The following CPNE7 variants were observed in gnomAD, a reference collection of about 807,000 sequenced individuals.
CPNE7 encodes the protein copine 7.
CPNE7 carries 78 observed loss-of-function variants against 66.5 expected under a neutral mutation model. That is an observed-to-expected ratio of 1.17 (90% CI 0.98 to 1.42). The LOEUF (loss-of-function observed/expected upper bound fraction) is 1.42, where lower values mean the gene tolerates loss of function less well. Among genes scored for constraint, CPNE7 ranks in the 40% most tolerant of loss-of-function variants. The pLI is 0.00. For missense variants in CPNE7, 1,012 were observed against 776.6 expected, an observed-to-expected ratio of 1.30 and a Z score of -3.60; for synonymous variants, 468 against 336.7, an observed-to-expected ratio of 1.39 and a Z score of -4.27.
Position 89,585,684 on chromosome 16 carries a change from C to T in CPNE7, c.682-3C>T, listed in dbSNP as rs1376186799. On this transcript the variant is annotated splice_region_variant and splice_polypyrimidine_tract_variant and intron_variant, in intron 6 of 14. Coordinates refer to ENST00000319518, the MANE Select transcript of CPNE7 (RefSeq NM_153636.3). ...CAGTGCTGAGGAGGACTGGGCTCCC[C>T]AGTGCCTGGTCTGGGATTACGACTC... 19 of 1,553,510 alleles carry T rather than the reference C, an allele frequency of 1.2e-5. No homozygotes were observed. The highest frequency in any genetic ancestry group is 7.3e-5 in the East Asian group (3 of 41,114).
rs561379517 is a variant in CPNE7 at position 89,578,806 on chromosome 16, ACG to A, written c.357+1086_357+1087del. Reference sequence around the variant, plus strand: ...AGCCTCCTTGTGAGCAGCAGGTCCTACGGTGGCCACTGCTTCCTTGGTGATGC... The same window carrying A: ...AGCCTCCTTGTGAGCAGCAGGTCCTAGTGGCCACTGCTTCCTTGGTGATGC... On this transcript the variant is annotated intron_variant, in intron 2 of 14. Transcript: ENST00000319518. 502 of 1,535,946 alleles carry A rather than the reference ACG, an allele frequency of 3.3e-4. 8 individuals carry two copies. The East Asian group carries it at 0.011, about 33-fold the overall frequency.
intron 2 of CPNE7, chr16:89,583,371 C>A: frequency 7.1e-7 from 1 of 1,402,086 alleles, no homozygotes; most frequent in Non-Finnish European, 9.9e-7. Flanking sequence ...CACACCTGTG[C>A]AGGTGCAGGC....
In CPNE7 at chr16:89,577,662, A is replaced by G; in HGVS notation, c.298A>G (p.Ser100Gly). 1 of 1,597,838 alleles carries G rather than the reference A, an allele frequency of 6.3e-7. No individual in the cohort carries two copies. The highest frequency in any genetic ancestry group is 8.5e-7 in the Non-Finnish European group (1 of 1,172,456). The change falls in exon 2 of 15, where the codon AGC becomes GGC. Residue 100 changes from serine to glycine, a missense_variant. Transcript: ENST00000319518. ...RFEVYDTHGP[S>G]GFSCQEDDFL... ...TGAGGTGTACGACACGCATGGGCCCAGCGGCTTCAGCTGTCAGGAGGACGA... is the reference window on the plus strand; with the variant it reads ...TGAGGTGTACGACACGCATGGGCCCGGCGGCTTCAGCTGTCAGGAGGACGA...
rs2058852305 is a variant in CPNE7, at chr16:89,575,889, G to T, written c.-9G>T. 2.5e-6 allele frequency: 3 copies of T among 1,214,098 alleles called. No individual in the cohort carries two copies. Among genetic ancestry groups the T allele is most frequent in the Non-Finnish European group, 2.0e-6 (2 of 976,090 alleles). The allele number at this position is 1,214,098 out of a possible 1,614,324, so 75.2% of individuals were successfully genotyped here. Reference sequence around the variant, plus strand: ...AGTGCGCCCAGCCGGGCCCCCGAACGCCGGGAGCATGAGCGCGGGCTCGGA... The same window carrying T: ...AGTGCGCCCAGCCGGGCCCCCGAACTCCGGGAGCATGAGCGCGGGCTCGGA... On this transcript the variant is annotated 5_prime_UTR_variant, in exon 1 of 15. Coordinates refer to ENST00000319518, the MANE Select transcript of CPNE7 (RefSeq NM_153636.3).
rs1254780748 is a variant in CPNE7 at position 89,587,893 on chromosome 16, C to T, written c.928-782C>T. 2.2e-4 allele frequency among the ~76,000 whole-genome samples: 13 copies of T among 60,360 alleles called. No individual in the cohort carries two copies. In the East Asian group the frequency reaches 3.4e-3, roughly 16 times the overall value. 39.6% of individuals were successfully genotyped at this position (60,360 alleles called of 152,430 possible). On this transcript the variant is annotated intron_variant, in intron 9 of 14. Coordinates refer to ENST00000319518, the MANE Select transcript of CPNE7 (RefSeq NM_153636.3). Reference sequence around the variant, plus strand: ...ACGGCCCCCCGTGTCACCCGCGTGTCACCCACAGATACACGGCCCCCGTGT... The same window carrying T: ...ACGGCCCCCCGTGTCACCCGCGTGTTACCCACAGATACACGGCCCCCGTGT...
chr16:89,593,413 C>T (rs1324607036), intron 13 of CPNE7, among the ~76,000 whole-genome samples: 14 of 151,158 alleles, frequency 9.3e-5, no homozygotes, highest in African/African-American at 2.2e-4. Context: ...AGTGCAGTGG[C>T]GCGATCTTGG....
Position 89,595,434 on chromosome 16 carries a change from T to C in CPNE7, c.1370T>C (p.Ile457Thr). Residue 457 changes from isoleucine (I) to threonine (T), a missense_variant, in exon 14 of 15, where the codon ATT (isoleucine) becomes ACT (threonine). Coordinates refer to ENST00000319518, the MANE Select transcript of CPNE7 (RefSeq NM_153636.3). ...VTDMADTREA[I>T]VRASRLPMSI... is the part of the protein sequence containing the mutation. ...GACATGGCCGACACACGGGAGGCCATTGTGCGTGCCTCACGCCTGCCCATG... is the reference window on the plus strand; with the variant it reads ...GACATGGCCGACACACGGGAGGCCACTGTGCGTGCCTCACGCCTGCCCATG... 1 of 1,609,018 alleles carries C rather than the reference T, an allele frequency of 6.2e-7. No homozygotes were observed. The highest frequency in any genetic ancestry group is 8.5e-7 in the Non-Finnish European group (1 of 1,177,172).
At chr16:89,579,963 C>T (rs1348658481) in intron 2 of CPNE7, among the ~76,000 whole-genome samples, 1 of 51,586 alleles carries the variant, frequency 1.9e-5, no homozygotes, top group African/African-American at 4.9e-5. Flanking sequence ...TGGAACATCC[C>T]GTCACCCGTC....
At chr16:89,580,725 TGA>T (rs2058942098) in intron 2 of CPNE7, among the ~76,000 whole-genome samples, 1 of 129,150 alleles carries the variant, frequency 7.7e-6, no homozygotes, top group African/African-American at 3.0e-5. Context: ...CGTCACCCGC[TGA>T]CACAGAACAT....
intron 14 of CPNE7, 48 bp from the exon 15 acceptor site, chr16:89,596,436 T>C (rs1427195682): frequency 3.2e-6 from 5 of 1,564,614 alleles, no homozygotes; most frequent in Non-Finnish European, 4.3e-6. Flanking sequence ...GGACGGATGA[T>C]CTCCATCTCG....
chr16:89,578,893 GTGTC>G (rs1360824504), intron 2 of CPNE7: 9 of 1,613,418 alleles, frequency 5.6e-6, no homozygotes, highest in Non-Finnish European at 7.6e-6. Context: ...CGTGATGAGA[GTGTC>G]TGTTGATGTG....
At chr16:89,576,473 G>A (rs2151423581) in intron 1 of CPNE7, among the ~76,000 whole-genome samples, 1 of 152,104 alleles carries the variant, frequency 6.6e-6, no homozygotes, top group Non-Finnish European at 1.5e-5. Flanking sequence ...GGCTGGGCGG[G>A]AGCAGGCCGG....
intron 13 of CPNE7, 33 bp from the exon 14 acceptor site, chr16:89,595,334 G>A (rs1422153914): frequency 6.6e-7 from 1 of 1,522,262 alleles, no homozygotes; most frequent in Non-Finnish European, 8.9e-7. Context: ...CATGGCAGGT[G>A]TGGTGTTGCT....
intron 13 of CPNE7, among the ~76,000 whole-genome samples, 191 bp downstream of exon 13, chr16:89,591,451 C>G (rs1359951695): frequency 2.6e-5 from 4 of 152,208 alleles, no homozygotes; most frequent in Non-Finnish European, 5.9e-5. Flanking sequence ...GTCTCGGGCA[C>G]AGGGCTGTCC....
rs747514745 is a variant in CPNE7 at position 89,584,079 on chromosome 16, C to G, written c.484C>G (p.Arg162Gly). The G allele has an allele frequency of 6.2e-7, 1 of 1,611,786 alleles. No individual in the cohort carries two copies. The highest frequency in any genetic ancestry group is 8.5e-7 in the Non-Finnish European group (1 of 1,179,430). ...GNNGYVELSFRARKLDDKDLF... is the reference protein window; with the variant it reads ...GNNGYVELSFGARKLDDKDLF... ...CAACGGCTACGTGGAGCTCTCCTTC[C>G]GGGCCAGGAAGCTGGACGACAAGGT... The change falls in exon 4 of 15, where the codon CGG becomes GGG. Residue 162 changes from arginine (R) to glycine (G), a missense_variant. By Grantham distance (125) the Arg-to-Gly change is moderately radical. Coordinates refer to ENST00000319518, the MANE Select transcript of CPNE7 (RefSeq NM_153636.3). This position sits in a 1 kb window ranked among gnomAD's most constrained non-coding sequence, Gnocchi z 6.0.
chr16:89,595,327 G>A (rs201740203), intron 13 of CPNE7, 40 bp from the exon 14 acceptor site: 8 of 1,507,530 alleles, frequency 5.3e-6, no homozygotes, highest in Middle Eastern at 3.7e-4. Context: ...TGTGGGCCAT[G>A]GCAGGTGTGG....
intron 13 of CPNE7, among the ~76,000 whole-genome samples, chr16:89,591,927 C>T (rs1490739848): frequency 9.2e-5 from 14 of 151,830 alleles, no homozygotes; most frequent in Admixed American, 9.2e-4. Context: ...TCTCAAACTC[C>T]TGACCTCATG....
chr16:89,593,451 C>T (rs1359009972), intron 13 of CPNE7, among the ~76,000 whole-genome samples: 1 of 151,798 alleles, frequency 6.6e-6, no homozygotes, highest in African/African-American at 2.4e-5. Context: ...CTCCCGGGTT[C>T]ACGCCATTCT....
Position 89,579,733 on chromosome 16 carries a change from TCCCATCA to T in CPNE7, c.357+2021_357+2027del, listed in dbSNP as rs1242950515. Among the ~76,000 whole-genome samples, 6 of 141,832 alleles carry T rather than the reference TCCCATCA, an allele frequency of 4.2e-5. No individual in the cohort carries two copies. The East Asian group carries it at 8.6e-4, about 20-fold the overall frequency. 93.0% of individuals were successfully genotyped at this position (141,832 alleles called of 152,430 possible). The stretch of plus-strand genomic sequence containing the variant: ...ATCCCATCACCCATCACACGGAACA[TCCCATCA>T]CCCATCACACAGAACATCTCACCCA... On this transcript the variant is annotated intron_variant, in intron 2 of 14. Transcript: ENST00000319518.
Sources: gnomAD v4.1 joint callset for allele counts (sites outside exome capture counted in the v4.1 genomes callset) on GRCh38, gnomAD v4.1.1 for gene constraint, Gnocchi (gnomAD v3.1) non-coding constraint, MANE v1.5 for transcripts, NCBI Gene and HGNC (gene_info 2026-07-23, HGNC 2026-07-21) for gene names.